The following SAMMSON variants were observed in gnomAD, a reference collection of about 807,000 sequenced individuals.
The protein encoded by SAMMSON is long intergenic non-protein coding RNA 1212.
chr3:70,400,924 C>A (rs911344316), intron 2 of SAMMSON, among the ~76,000 whole-genome samples: 2 of 151,806 alleles, frequency 1.3e-5, no homozygotes, highest in Admixed American at 1.3e-4. Flanking sequence ...AGAGCAAGAC[C>A]CTGTCTCAAA....
chr3:70,041,565 A>G (rs1244006840), intron 3 of SAMMSON, among the ~76,000 whole-genome samples: 1 of 152,132 alleles, frequency 6.6e-6, no homozygotes, highest in Non-Finnish European at 1.5e-5. Flanking sequence ...TATATTATAT[A>G]TTAAGTACAG....
At chr3:70,029,222 AG>A in intron 3 of SAMMSON, among the ~76,000 whole-genome samples, 1 of 145,704 alleles carries the variant, frequency 6.9e-6, no homozygotes, top group Non-Finnish European at 1.5e-5. Flanking sequence ...CCTTCTTTTC[AG>A]CCAGACACAT....
chr3:70,187,837 C>A (rs1701103567), intron 4 of SAMMSON, among the ~76,000 whole-genome samples: 1 of 152,000 alleles, frequency 6.6e-6, no homozygotes, highest in Admixed American at 6.5e-5. Flanking sequence ...TTTTTCTGGG[C>A]AAAGGCAACT....
chr3:70,065,393 G>A (rs1338751255), intron 3 of SAMMSON: 3 of 152,070 alleles, frequency 2.0e-5, no homozygotes, highest in Non-Finnish European at 4.4e-5. Flanking sequence ...CAGTGACGAG[G>A]ATGGGGCTCT....
At chr3:70,303,848 AT>A (rs1183509404) in intron 7 of SAMMSON, among the ~76,000 whole-genome samples, 1 of 151,692 alleles carries the variant, frequency 6.6e-6, no homozygotes, top group Non-Finnish European at 1.5e-5. Flanking sequence ...TGCCTGTGTA[AT>A]TTTTTGTATT....
At chr3:70,312,319 T>C (rs952931335) in intron 7 of SAMMSON, among the ~76,000 whole-genome samples, 10 of 152,208 alleles carry the variant, frequency 6.6e-5, no homozygotes, top group Admixed American at 3.3e-4. Context: ...CTATAGCCTA[T>C]AGAAAAGCAT....
intron 7 of SAMMSON, among the ~76,000 whole-genome samples, chr3:70,312,282 A>G (rs751225042): frequency 6.6e-6 from 1 of 152,250 alleles, no homozygotes; most frequent in Non-Finnish European, 1.5e-5. Context: ...GAAACAAACA[A>G]ACATTCAGTA....
intron 3 of SAMMSON, among the ~76,000 whole-genome samples, chr3:70,049,425 T>C (rs1167618295): frequency 1.3e-5 from 2 of 152,302 alleles, no homozygotes; most frequent in Admixed American, 6.5e-5. Context: ...CATAAATGCA[T>C]ATCACAATGA....
At chr3:70,260,952 A>G (rs375846111) in intron 6 of SAMMSON, among the ~76,000 whole-genome samples, 1 of 152,048 alleles carries the variant, frequency 6.6e-6, no homozygotes, top group East Asian at 1.9e-4. Context: ...AAGATAAGTG[A>G]TTTTCTCAAG....
intron 7 of SAMMSON, among the ~76,000 whole-genome samples, chr3:70,310,978 A>G (rs188235083): frequency 2.4e-3 from 373 of 152,300 alleles, no homozygotes; most frequent in Middle Eastern, 0.014. Context: ...ATTAAGGATA[A>G]TAACTGCTTC....
chr3:70,361,197 G>A (rs1428020739), intron 9 of SAMMSON, among the ~76,000 whole-genome samples: 1 of 152,064 alleles, frequency 6.6e-6, no homozygotes. Flanking sequence ...AACCCCTGTA[G>A]TCTCCTTGTG....
At chr3:70,379,813 C>T (rs1346785515) in intron 9 of SAMMSON, among the ~76,000 whole-genome samples, 2 of 152,026 alleles carry the variant, frequency 1.3e-5, no homozygotes, top group Non-Finnish European at 2.9e-5. Context: ...GCGTGTTATG[C>T]ATGCTACCTT....
intron 6 of SAMMSON, among the ~76,000 whole-genome samples, chr3:70,265,140 G>A (rs1465626162): frequency 6.6e-6 from 1 of 152,168 alleles, no homozygotes. Flanking sequence ...GGGAATTATG[G>A]GAGCTACAAT....
intron 7 of SAMMSON, among the ~76,000 whole-genome samples, chr3:70,339,789 C>T (rs995756768): frequency 2.0e-5 from 3 of 152,144 alleles, no homozygotes; most frequent in African/African-American, 7.2e-5. Context: ...AATAGGAACA[C>T]TTTTACACCA....
chr3:70,095,141 G>A (rs1490863102), intron 4 of SAMMSON, among the ~76,000 whole-genome samples: 1 of 152,132 alleles, frequency 6.6e-6, no homozygotes, highest in African/African-American at 2.4e-5. Flanking sequence ...GGAGGTCAGG[G>A]TTCAGTCCTC....
chr3:70,022,941 G>A (rs1363930317), intron 3 of SAMMSON, among the ~76,000 whole-genome samples: 1 of 152,160 alleles, frequency 6.6e-6, no homozygotes, highest in Non-Finnish European at 1.5e-5. Context: ...AGAAAAAGTT[G>A]GGTTGGTATT....
chr3:70,005,895 G>C (rs1393766463), intron 1 of SAMMSON, among the ~76,000 whole-genome samples: 1 of 152,050 alleles, frequency 6.6e-6, no homozygotes, highest in Non-Finnish European at 1.5e-5. Flanking sequence ...TTCTAAACAG[G>C]CTTCAGTTAA....
intron 4 of SAMMSON, among the ~76,000 whole-genome samples, chr3:70,165,631 A>G (rs1377245413): frequency 1.3e-5 from 2 of 151,940 alleles, no homozygotes; most frequent in African/African-American, 4.8e-5. Context: ...ACATAGAGGA[A>G]GTTGTTGTCC....
intron 7 of SAMMSON, among the ~76,000 whole-genome samples, chr3:70,312,376 G>A (rs1242993587): frequency 6.6e-6 from 1 of 152,180 alleles, no homozygotes; most frequent in Non-Finnish European, 1.5e-5. Context: ...AAACACAAAA[G>A]CATCTTTTCA....
Sources: gnomAD v4.1 joint callset for allele counts (sites outside exome capture counted in the v4.1 genomes callset) on GRCh38, gnomAD v4.1.1 for gene constraint, MANE v1.5 for transcripts, NCBI Gene and HGNC (gene_info 2026-07-23, HGNC 2026-07-21) for gene names.